Variants in MARCHF11 observed in about 807,000 individuals in gnomAD.
MARCHF11 encodes membrane associated ring-CH-type finger 11.
MARCHF11 carries 29 observed loss-of-function variants against 37.3 expected under a neutral mutation model. The ratio of observed to expected loss-of-function variants is 0.78; its 90% CI spans 0.58 to 1.06. MARCHF11 has a LOEUF of 1.06. MARCHF11 is among the 50% of genes least tolerant of loss of function. MARCHF11 has a pLI of 0.00. For synonymous variants in MARCHF11, 233 were observed against 228.0 expected, an observed-to-expected ratio of 1.02 and a Z score of -0.20; for missense variants, 482 against 533.4, an observed-to-expected ratio of 0.90 and a Z score of 0.95.
intron 2 of MARCHF11, among the ~76,000 whole-genome samples, chr5:16,133,596 T>G (rs975078891): frequency 6.6e-6 from 1 of 151,996 alleles, no homozygotes; most frequent in Non-Finnish European, 1.5e-5. Flanking sequence ...CTTACATAAA[T>G]AGAAACAAAA....
intron 2 of MARCHF11, among the ~76,000 whole-genome samples, chr5:16,132,008 C>T (rs1180997804): frequency 1.3e-5 from 2 of 152,188 alleles, no homozygotes; most frequent in African/African-American, 4.8e-5. Flanking sequence ...TCCATGAGTG[C>T]CGTTCAGAGA....
intron 2 of MARCHF11, among the ~76,000 whole-genome samples, chr5:16,167,114 T>A (rs1738184359): frequency 6.7e-6 from 1 of 150,088 alleles, no homozygotes; most frequent in East Asian, 2.0e-4. Flanking sequence ...ATTGAAAAAT[T>A]ATAAGTCAAA....
chr5:16,161,151 C>T (rs537381385), intron 2 of MARCHF11, among the ~76,000 whole-genome samples: 1 of 151,678 alleles, frequency 6.6e-6, no homozygotes, highest in East Asian at 2.0e-4. Context: ...GCTTCATTTA[C>T]ATTGGGTGTA....
intron 2 of MARCHF11, among the ~76,000 whole-genome samples, chr5:16,108,531 G>A (rs1737083821): frequency 6.6e-6 from 1 of 152,226 alleles, no homozygotes; most frequent in South Asian, 2.1e-4. Context: ...ACATCTGCCA[G>A]GGAGAGGAAG....
At chr5:16,177,022 A>G (rs1738375797) in intron 2 of MARCHF11, among the ~76,000 whole-genome samples, 1 of 152,158 alleles carries the variant, frequency 6.6e-6, no homozygotes, top group African/African-American at 2.4e-5. Context: ...TTCACGATAA[A>G]TTTTAGGCCT....
chr5:16,105,172 T>C (rs1056795003), intron 2 of MARCHF11, among the ~76,000 whole-genome samples: 1 of 152,232 alleles, frequency 6.6e-6, no homozygotes, highest in African/African-American at 2.4e-5. Context: ...TCTCCTTTCC[T>C]GACATCCTGC....
chr5:16,089,917 G>A (rs1736763540), intron 3 of MARCHF11, among the ~76,000 whole-genome samples: 1 of 152,218 alleles, frequency 6.6e-6, no homozygotes. Flanking sequence ...TGCCCTGGCA[G>A]AGGCCCAGAT....
intron 3 of MARCHF11, among the ~76,000 whole-genome samples, chr5:16,071,984 G>A (rs1031513392): frequency 2.6e-5 from 4 of 152,052 alleles, no homozygotes; most frequent in African/African-American, 9.7e-5. Context: ...TTTTGAGACA[G>A]AGTCTCGCTC....
intron 2 of MARCHF11, among the ~76,000 whole-genome samples, chr5:16,151,538 C>CTTTT (rs1171168168): frequency 8.0e-5 from 9 of 113,196 alleles, no homozygotes; most frequent in African/African-American, 2.5e-4. Context: ...TCAGGCTGAT[C>CTTTT]TTTTTTTTTT....
chr5:16,092,607 G>A lies in MARCHF11; in HGVS notation c.694-1526C>T, dbSNP rs78768948. Among the ~76,000 whole-genome samples, 569 of 152,240 alleles carry A rather than the reference G, an allele frequency of 3.7e-3. 4 individuals are homozygous for A. The highest frequency in any genetic ancestry group is 0.013 in the African/African-American group (550 of 41,548). On this transcript the variant is annotated intron_variant, in intron 2 of 3. Coordinates refer to ENST00000332432, the MANE Select transcript of MARCHF11 (RefSeq NM_001102562.3). Reference sequence around the variant, plus strand: ...GGTGGGTGGGGAAAAAGGGGAGGGAGAGCATTAGGACAAATACCTAATGCC... The same window carrying A: ...GGTGGGTGGGGAAAAAGGGGAGGGAAAGCATTAGGACAAATACCTAATGCC...
Position 16,177,876 on chromosome 5 carries a change from C to T in MARCHF11, c.543G>A (p.Glu181=), listed in dbSNP as rs761663738. 6.2e-7 allele frequency: 1 copy of T among 1,605,628 alleles called. No homozygotes were observed. Among genetic ancestry groups the T allele is most frequent in the South Asian group, 1.1e-5 (1 of 89,030 alleles). The change falls in exon 2 of 4, where the codon GAG becomes GAA. Residue 181 remains glutamate, a synonymous_variant. Coordinates refer to ENST00000332432, the MANE Select transcript of MARCHF11 (RefSeq NM_001102562.3). ...KICFQGAEQG[E]LLNPCRCDGS... The stretch of plus-strand genomic sequence containing the variant: ...CATCACATCGGCAGGGGTTCAACAA[C>T]TCACCCTAAAAAGAAAACAGCTCAG...
intron 2 of MARCHF11, among the ~76,000 whole-genome samples, chr5:16,112,660 G>A (rs940130540): frequency 4.6e-5 from 7 of 152,298 alleles, no homozygotes; most frequent in South Asian, 2.1e-4. Flanking sequence ...GACTTTGGGG[G>A]ACTGTTGGGA....
chr5:16,116,459 G>T (rs1737227902), intron 2 of MARCHF11, among the ~76,000 whole-genome samples: 1 of 152,138 alleles, frequency 6.6e-6, no homozygotes, highest in African/African-American at 2.4e-5. Flanking sequence ...TTAGTTCAGT[G>T]TTACCCCCAC....
chr5:16,163,433 T>C (rs747067729), intron 2 of MARCHF11, among the ~76,000 whole-genome samples: 23 of 152,020 alleles, frequency 1.5e-4, no homozygotes, highest in Non-Finnish European at 1.3e-4. Context: ...TCTTAGACTG[T>C]GCTAAATTGA....
chr5:16,173,402 G>A (rs962780323), intron 2 of MARCHF11, among the ~76,000 whole-genome samples: 4 of 152,164 alleles, frequency 2.6e-5, no homozygotes, highest in Non-Finnish European at 4.4e-5. Context: ...GAATAGTGCT[G>A]TCCTGTGCTT....
At chr5:16,160,992 T>C (rs1473488132) in intron 2 of MARCHF11, among the ~76,000 whole-genome samples, 1 of 151,956 alleles carries the variant, frequency 6.6e-6, no homozygotes, top group African/African-American at 2.4e-5. Flanking sequence ...GGATGCTTGC[T>C]CCTGTAAACC....
At chr5:16,143,665 G>C (rs564639084) in intron 2 of MARCHF11, among the ~76,000 whole-genome samples, 2 of 152,344 alleles carry the variant, frequency 1.3e-5, no homozygotes, top group African/African-American at 4.8e-5. Flanking sequence ...CTCTGATTCT[G>C]TCTTTCTGCC....
rs766367988 is a variant in MARCHF11 at position 16,179,185 on chromosome 5, C to T, written c.391G>A (p.Glu131Lys). The T allele has an allele frequency of 4.2e-4, 567 of 1,348,982 alleles. No individual in the cohort carries two copies. Among genetic ancestry groups the T allele is most frequent in the Non-Finnish European group, 4.8e-4 (510 of 1,058,790 alleles). 83.6% of individuals were successfully genotyped at this position (1,348,982 alleles called of 1,614,324 possible). A position where few individuals can be genotyped will look rare whatever the true frequency, so the allele number is the denominator to read the frequency against. ...ESEAGAGGERERRGAGDQPET... is the reference protein window; with the variant it reads ...ESEAGAGGERKRRGAGDQPET... ...GGCTGGTCTCCGGCGCCCCGCCGCT[C>T]GCGCTCGCCGCCCGCGCCGGCCTCA... Residue 131 changes from glutamate to lysine, a missense_variant, in exon 1 of 4, where the codon GAG becomes AAG. Glu to Lys is a moderately conservative substitution (Grantham distance 56, BLOSUM62 1). Coordinates refer to ENST00000332432, the MANE Select transcript of MARCHF11 (RefSeq NM_001102562.3).
chr5:16,107,226 T>C (rs1737059138), intron 2 of MARCHF11, among the ~76,000 whole-genome samples: 2 of 152,196 alleles, frequency 1.3e-5, no homozygotes, highest in Admixed American at 6.5e-5. Context: ...TGATATAAAA[T>C]GTGCAGGCAA....
Sources: allele counts gnomAD v4.1 joint callset (sites outside exome capture counted in the v4.1 genomes callset), GRCh38; gene constraint gnomAD v4.1.1; transcripts MANE v1.5; gene names NCBI Gene and HGNC (gene_info 2026-07-23, HGNC 2026-07-21).